Variants in KIAA1549 observed in about 807,000 individuals in gnomAD.
KIAA1549 encodes the protein UPF0606 protein KIAA1549.
Under a neutral mutation model 156.4 loss-of-function variants are expected in KIAA1549, and 70 were observed. That is an observed-to-expected ratio of 0.45 (90% CI 0.37 to 0.55). The LOEUF (loss-of-function observed/expected upper bound fraction) is 0.55. Ranked by LOEUF, KIAA1549 falls within the 20% of genes least tolerant of loss-of-function variation. KIAA1549 has a pLI of 0.00. For missense variants in KIAA1549, 2,428 were observed against 2,540.9 expected (o/e 0.96, Z 0.96); for synonymous variants, 1,103 against 1,066.4 (o/e 1.03, Z -0.67).
At chr7:138,933,650 T>C (rs1433268807) in intron 1 of KIAA1549, among the ~76,000 whole-genome samples, 1 of 152,234 alleles carries the variant, frequency 6.6e-6, no homozygotes, top group South Asian at 2.1e-4. Flanking sequence ...GTGCATTAAT[T>C]TGCCAACTTT....
At chr7:138,916,289 A>G (rs1435449016) in intron 2 of KIAA1549, among the ~76,000 whole-genome samples, 1 of 152,182 alleles carries the variant, frequency 6.6e-6, no homozygotes, top group Admixed American at 6.5e-5. Context: ...TTAAACAAAA[A>G]AGTATTTTGT....
chr7:138,918,720 G>C lies in KIAA1549; in HGVS notation c.906C>G (p.Pro302=), dbSNP rs1369544226. 1.2e-6 allele frequency: 2 copies of C among 1,613,772 alleles called. No homozygotes were observed. Among genetic ancestry groups the C allele is most frequent in the Non-Finnish European group, 1.7e-6 (2 of 1,179,892 alleles). The part of the protein sequence containing the change: ...PLGDGITIPL[P]SLGEVSQPPE... ...GAGGCTGTGAGACCTCCCCCAAGGA[G>C]GGCAACGGTATAGTAATGCCGTCGC... The change falls in exon 2 of 20, where the codon CCC becomes CCG. Residue 302 remains proline (P), a synonymous_variant. Coordinates refer to ENST00000422774, the MANE Select transcript of KIAA1549 (RefSeq NM_001164665.2). The surrounding 1 kb of genome is among the most constrained non-coding windows in gnomAD (Gnocchi z 4.2).
chr7:138,963,680 G>A (rs1813924127), intron 1 of KIAA1549, among the ~76,000 whole-genome samples: 1 of 152,202 alleles, frequency 6.6e-6, no homozygotes, highest in African/African-American at 2.4e-5. Context: ...GTACCAGTTA[G>A]TTTTTGAACA....
intron 15 of KIAA1549, among the ~76,000 whole-genome samples, chr7:138,864,296 C>T (rs1414021556): frequency 6.6e-6 from 1 of 152,150 alleles, no homozygotes; most frequent in Non-Finnish European, 1.5e-5. Context: ...TTCTCAGTGG[C>T]CAGAATTTCA....
chr7:138,840,143 C>G lies in KIAA1549; in HGVS notation c.5588G>C (p.Arg1863Pro). Residue 1863 changes from arginine to proline, a missense_variant, in exon 19 of 20, where the codon CGA (arginine) becomes CCA (proline). Coordinates refer to ENST00000422774, the MANE Select transcript of KIAA1549 (RefSeq NM_001164665.2). ...WPSYGEDEAG[R>P]REATHMLGHQ... ...ACAGGAGATACTCACGGCCTCTCTT[C>G]GCCCCGCTTCGTCCTCCCCGTACGA... is the stretch of plus-strand genomic sequence containing the variant. 1 of 1,551,770 alleles carries G rather than the reference C, an allele frequency of 6.4e-7. No individual in the cohort carries two copies. Among genetic ancestry groups the G allele is most frequent in the South Asian group, 1.2e-5 (1 of 83,876 alleles).
intron 12 of KIAA1549, among the ~76,000 whole-genome samples, chr7:138,878,947 T>C (rs2130400960): frequency 6.6e-6 from 1 of 152,218 alleles, no homozygotes; most frequent in Middle Eastern, 3.4e-3. Flanking sequence ...CTCCCAAGTC[T>C]AAAGACTTGT....
chr7:138,855,056 T>C (rs907784153), intron 16 of KIAA1549, among the ~76,000 whole-genome samples: 2 of 152,090 alleles, frequency 1.3e-5, no homozygotes, highest in Admixed American at 1.3e-4. Flanking sequence ...CAGCATTACA[T>C]TGCCACTTAG....
intron 1 of KIAA1549, among the ~76,000 whole-genome samples, chr7:138,924,182 C>CTTTTTT (rs1233229501): frequency 1.1e-5 from 1 of 92,350 alleles, no homozygotes; most frequent in Non-Finnish European, 2.1e-5. Flanking sequence ...CTTTTCTTTT[C>CTTTTTT]TTTTTTTTTT....
At chr7:138,952,533 T>C (rs1254434380) in intron 1 of KIAA1549, among the ~76,000 whole-genome samples, 2 of 152,132 alleles carry the variant, frequency 1.3e-5, no homozygotes, top group African/African-American at 4.8e-5. Context: ...TCAAATGGTG[T>C]TCATAAAGGT....
Position 138,832,190 on chromosome 7 carries a change from C to CTTTTTTTT in KIAA1549, c.*5715_*5716insAAAAAAAA, listed in dbSNP as rs1563039449. The CTTTTTTTT allele has an allele frequency of 5.8e-4, 98 of 169,968 alleles. No individual in the cohort carries two copies. Among genetic ancestry groups the CTTTTTTTT allele is most frequent in the African/African-American group, 2.0e-3 (59 of 30,122 alleles). 10.5% of individuals were successfully genotyped at this position (169,968 alleles called of 1,614,324 possible). On this transcript the variant is annotated 3_prime_UTR_variant, in exon 20 of 20. Transcript: ENST00000422774. Reference sequence around the variant, plus strand: ...TTCACCTCTGTCCCTTTTACCTATTCCTTTTTTTTTTTTTTTTTTTTCCAG... The same window carrying CTTTTTTTT: ...TTCACCTCTGTCCCTTTTACCTATTCTTTTTTTTCTTTTTTTTTTTTTTTTTTTTCCAG...
chr7:138,870,810 GTTTT>G (rs920610855), intron 13 of KIAA1549, among the ~76,000 whole-genome samples: 4 of 151,978 alleles, frequency 2.6e-5, no homozygotes, highest in African/African-American at 9.7e-5. Context: ...AAGTGTGTGA[GTTTT>G]TTTTGTTTTT....
rs2130442604 is a variant in KIAA1549 at position 138,899,096 on chromosome 7, G to A, written c.3706C>T (p.Pro1236Ser). The change falls in exon 9 of 20, where the codon CCG becomes TCG. Residue 1236 changes from proline to serine, a missense_variant. Physicochemically the swap from Pro to Ser is moderately conservative, Grantham distance 74. This residue lies in a region of KIAA1549 where 762 missense variants were observed against 901.6 expected (regional missense o/e 0.85). Coordinates refer to ENST00000422774, the MANE Select transcript of KIAA1549 (RefSeq NM_001164665.2). ...TCCACAAAGTAGATGAGCTGTACCG[G>A]ATTGTCATCTCCCTCCAGCCTCGAC... is the stretch of plus-strand genomic sequence containing the variant. ...NVSRLEGDDN[P>S]VQLIYFVEDQ... 1 of 1,613,792 alleles carries A rather than the reference G, an allele frequency of 6.2e-7. No homozygotes were observed. The highest frequency in any genetic ancestry group is 8.5e-7 in the Non-Finnish European group (1 of 1,179,732).
chr7:138,946,269 G>C (rs866344283), intron 1 of KIAA1549, among the ~76,000 whole-genome samples: 30 of 152,178 alleles, frequency 2.0e-4, no homozygotes, highest in Middle Eastern at 3.4e-3. Context: ...TTTTCTGCTT[G>C]TATGTAAGCC....
rs1809641746 is a variant in KIAA1549, at chr7:138,834,398, C to G, written c.*3508G>C. 1 of 194,856 alleles carries G rather than the reference C, an allele frequency of 5.1e-6. No homozygotes were observed. The highest frequency in any genetic ancestry group is 1.9e-4 in the South Asian group (1 of 5,186). The allele number at this position is 194,856 out of a possible 1,614,324, so 12.1% of individuals were successfully genotyped here. A position where few individuals can be genotyped will look rare whatever the true frequency, so the allele number is the denominator to read the frequency against. On this transcript the variant is annotated 3_prime_UTR_variant, in exon 20 of 20. Transcript: ENST00000422774. ...TCTTGATCTCAAGTGATCCACCTGC[C>G]TCAGCCTCCCAAAATGCTGGGATTA...
intron 12 of KIAA1549, among the ~76,000 whole-genome samples, chr7:138,875,909 C>T (rs2130394410): frequency 6.6e-6 from 1 of 152,028 alleles, no homozygotes; most frequent in Middle Eastern, 3.4e-3. Flanking sequence ...GATCCTCCCA[C>T]CTCAGCCTCT....
At chr7:138,893,582 C>T (rs1174417347) in intron 10 of KIAA1549, among the ~76,000 whole-genome samples, 1 of 152,114 alleles carries the variant, frequency 6.6e-6, no homozygotes, top group Non-Finnish European at 1.5e-5. Flanking sequence ...AATAAATGTC[C>T]ATTCATATAT....
At chr7:138,957,281 A>G (rs563716047) in intron 1 of KIAA1549, among the ~76,000 whole-genome samples, 21 of 152,142 alleles carry the variant, frequency 1.4e-4, no homozygotes, top group Non-Finnish European at 2.6e-4. Flanking sequence ...AACCAGAGAC[A>G]CTGCCATGTG....
Position 138,834,499 on chromosome 7 carries a change from T to C in KIAA1549, c.*3407A>G. 1 of 223,208 alleles carries C rather than the reference T, an allele frequency of 4.5e-6. No homozygotes were observed. Among genetic ancestry groups the C allele is most frequent in the Non-Finnish European group, 9.0e-6 (1 of 111,686 alleles). The allele number at this position is 223,208 out of a possible 1,614,324, so 13.8% of individuals were successfully genotyped here. On this transcript the variant is annotated 3_prime_UTR_variant, in exon 20 of 20. Coordinates refer to ENST00000422774, the MANE Select transcript of KIAA1549 (RefSeq NM_001164665.2). The stretch of plus-strand genomic sequence containing the variant: ...TAAACCATGTTATTTATCGGTATCT[T>C]CCATCTTCTATACCCACTCGTGCTA...
rs1393993555 is a variant in KIAA1549, at chr7:138,852,276, G to A, written c.5248-7C>T. On this transcript the variant is annotated splice_region_variant and splice_polypyrimidine_tract_variant and intron_variant, in intron 16 of 19. Transcript: ENST00000422774. ...TTCCATAGTCTTCGTATCTCTGGAA[G>A]ACATACAAAAGAACATGAAGATTAA... 1.3e-6 allele frequency: 2 copies of A among 1,595,382 alleles called. No homozygotes were observed. Among genetic ancestry groups the A allele is most frequent in the African/African-American group, 2.7e-5 (2 of 74,290 alleles).
Sources: allele counts gnomAD v4.1 joint callset (sites outside exome capture counted in the v4.1 genomes callset), GRCh38; gene constraint gnomAD v4.1.1; regional missense constraint gnomAD v4.1.1; non-coding constraint Gnocchi (gnomAD v3.1); transcripts MANE v1.5; gene names NCBI Gene and HGNC (gene_info 2026-07-23, HGNC 2026-07-21).